Variants in FSCN2 observed in about 807,000 individuals in gnomAD.
FSCN2 encodes the protein fascin actin-bundling protein 2, retinal.
In FSCN2, 46 loss-of-function variants were observed where a neutral mutation model predicts 37.8. The observed-to-expected ratio is 1.22, with a 90% CI of 0.96 to 1.56. The LOEUF (loss-of-function observed/expected upper bound fraction) is 1.56. Ranked by LOEUF, FSCN2 falls within the 40% of genes most tolerant of loss-of-function variation. The pLI, the probability that FSCN2 is intolerant of heterozygous loss-of-function variation, is 0.00. For missense variants in FSCN2, 844 were observed against 730.4 expected (o/e 1.16, Z -1.79); for synonymous variants, 351 against 309.4 (o/e 1.13, Z -1.41).
the FSCN2 span, among the ~76,000 whole-genome samples, chr17:81,515,515 T>C: frequency 6.6e-5 from 10 of 152,354 alleles, no homozygotes; most frequent in East Asian, 7.7e-4. Context: ...ATCATGACCT[T>C]GTTATGTCTT....
At chr17:81,516,560 T>C in the FSCN2 span, among the ~76,000 whole-genome samples, 76 of 152,044 alleles carry the variant, frequency 5.0e-4, 1 homozygote, top group Non-Finnish European at 9.6e-4. Flanking sequence ...GGGCTCTGCC[T>C]CTTCAGGAAC....
At chr17:81,531,974 A>G (rs868029096) in intron 1 of FSCN2, among the ~76,000 whole-genome samples, 1,785 of 38,246 alleles carry the variant, frequency 0.047, 42 homozygotes, top group African/African-American at 0.13. Flanking sequence ...TAGTGATGAT[A>G]ATGGTGATGA....
chr17:81,534,942 G>T, intron 1 of FSCN2, 110 bp from the exon 2 acceptor site: 1 of 725,556 alleles, frequency 1.4e-6, no homozygotes, highest in Non-Finnish European at 2.2e-6. Context: ...AGTCAAGAGG[G>T]TTCTAGATGA....
chr17:81,536,574 C>T (rs2032884786), intron 3 of FSCN2, 48 bp from the exon 4 acceptor site: 1 of 1,601,948 alleles, frequency 6.2e-7, no homozygotes, highest in East Asian at 2.2e-5. Flanking sequence ...CCGGCCTGGA[C>T]AGGGAAGGTG....
chr17:81,518,522 A>G, the FSCN2 span, among the ~76,000 whole-genome samples: 32 of 152,252 alleles, frequency 2.1e-4, no homozygotes, highest in African/African-American at 7.5e-4. Flanking sequence ...GCTGCCTCCT[A>G]TCTCAAAAAC....
rs537092170 is a variant in FSCN2, at chr17:81,534,513, C to G, written c.827-539C>G. Among the ~76,000 whole-genome samples, 236 of 152,120 alleles carry G rather than the reference C, an allele frequency of 1.6e-3. 1 individual carries two copies. The highest frequency in any genetic ancestry group is 5.7e-3 in the African/African-American group (236 of 41,516). On this transcript the variant is annotated intron_variant, in intron 1 of 4. Transcript: ENST00000417245. ...CCCCTCCATCCCCTCGCAGGAACCC[C>G]AGATGGAGCCCGGGGCAGTCTTGTC...
At chr17:81,533,556 T>C (rs552183666) in intron 1 of FSCN2, among the ~76,000 whole-genome samples, 1 of 152,238 alleles carries the variant, frequency 6.6e-6, no homozygotes, top group South Asian at 2.1e-4. Flanking sequence ...CAGGACAAAG[T>C]CCAGAGGAAA....
rs782488038 is a variant in FSCN2, at chr17:81,529,178, C to T, written c.647C>T (p.Ala216Val). The change falls in exon 1 of 5, where the codon GCG (alanine) becomes GTG (valine). Residue 216 changes from alanine (A) to valine (V), a missense_variant. Physicochemically the swap from Ala to Val is moderately conservative, Grantham distance 64. Transcript: ENST00000417245. ...GCCTGCTACACGCTGGAGTTCAAGG[C>T]GGGCAAGCTGGCCTTCAAGGACTGC... ...PRACYTLEFK[A>V]GKLAFKDCDG... 5.5e-5 allele frequency: 87 copies of T among 1,592,572 alleles called. No homozygotes were observed. Among genetic ancestry groups the T allele is most frequent in the Middle Eastern group, 1.6e-4 (1 of 6,064 alleles).
In FSCN2 at chr17:81,528,983, A is replaced by C. The variant is rs2032450263; in HGVS notation, c.452A>C (p.Tyr151Ser). 6.3e-7 allele frequency: 1 copy of C among 1,585,708 alleles called. No individual in the cohort carries two copies. The highest frequency in any genetic ancestry group is 8.5e-7 in the Non-Finnish European group (1 of 1,170,840). ...AHLLSVSRRR[Y>S]VHLCPREDEM... is the part of the protein sequence containing the mutation. ...CTGCTGAGCGTGAGCCGGCGGCGCT[A>C]CGTGCACCTGTGCCCGCGGGAGGAC... The change falls in exon 1 of 5, where the codon TAC becomes TCC. Residue 151 changes from tyrosine (Y) to serine (S), a missense_variant. Physicochemically the swap from Tyr to Ser is moderately radical, Grantham distance 144. Transcript: ENST00000417245.
At chr17:81,531,085 G>A (rs887270484) in intron 1 of FSCN2, among the ~76,000 whole-genome samples, 1 of 152,158 alleles carries the variant, frequency 6.6e-6, no homozygotes, top group Non-Finnish European at 1.5e-5. Flanking sequence ...GTGGTGTGAT[G>A]TGCATGGTGG....
the FSCN2 span, among the ~76,000 whole-genome samples, chr17:81,523,081 C>A: frequency 5.9e-5 from 9 of 152,222 alleles, no homozygotes; most frequent in Admixed American, 6.5e-5. Flanking sequence ...CACAGCCCCC[C>A]ACCAGCACCT....
chr17:81,537,099 CTGTCGCGCA>C lies in FSCN2; in HGVS notation c.*21_*29del. On this transcript the variant is annotated 3_prime_UTR_variant, in exon 5 of 5. Coordinates refer to ENST00000417245, the MANE Select transcript of FSCN2 (RefSeq NM_012418.4). ...GTACTGAGGCCGCGCCCAGACCAGC[CTGTCGCGCA>C]TTAAAACCGTGTCTCTCCCGCAGCT... The C allele has an allele frequency of 7.1e-7, 1 of 1,402,274 alleles. No individual in the cohort carries two copies. Among genetic ancestry groups the C allele is most frequent in the Non-Finnish European group, 9.2e-7 (1 of 1,084,072 alleles). 86.9% of individuals were successfully genotyped at this position (1,402,274 alleles called of 1,614,324 possible).
rs1385113008 is a variant in FSCN2 at position 81,531,145 on chromosome 17, CAAT to C, written c.826+1789_826+1791del. Among the ~76,000 whole-genome samples the C allele has an allele frequency of 4.6e-5, 5 of 109,640 alleles. No individual in the cohort carries two copies. The South Asian group carries it at 1.2e-3, about 26-fold the overall frequency. 71.9% of individuals were successfully genotyped at this position (109,640 alleles called of 152,430 possible). On this transcript the variant is annotated intron_variant, in intron 1 of 4. Coordinates refer to ENST00000417245, the MANE Select transcript of FSCN2 (RefSeq NM_012418.4). ...GGTGACAGTGTGGTGGCAGCAGCGACAATGATGGTGATGGTGATGATGGTGGTG... is the reference window on the plus strand; with the variant it reads ...GGTGACAGTGTGGTGGCAGCAGCGACGATGGTGATGGTGATGATGGTGGTG...
chr17:81,529,982 TG>T (rs2032495551), intron 1 of FSCN2: 1 of 304,028 alleles, frequency 3.3e-6, no homozygotes, highest in Admixed American at 4.9e-5. Flanking sequence ...GCTAATTTTT[TG>T]TATTTTTTAG....
intron 1 of FSCN2, among the ~76,000 whole-genome samples, chr17:81,532,698 ATAGTGATAGTGATGGTGG>A (rs1403694559): frequency 3.0e-4 from 42 of 138,762 alleles, no homozygotes; most frequent in African/African-American, 1.1e-3. Context: ...GGTGATGGCG[ATAGTGATAGTGATGGTGG>A]TGGTGATAGT....
At position 81,528,446 on chromosome 17, in the gene FSCN2, C is replaced by T. The variant is rs2032420343; in HGVS notation, c.-86C>T. The stretch of plus-strand genomic sequence containing the variant: ...TCTGGGGGCTGTGGGCCAGCCGAGC[C>T]GACCCGGGCTTCTGGGGGACCGCGG... On this transcript the variant is annotated 5_prime_UTR_variant, in exon 1 of 5. Coordinates refer to ENST00000417245, the MANE Select transcript of FSCN2 (RefSeq NM_012418.4). 3.8e-6 allele frequency: 4 copies of T among 1,047,174 alleles called. No homozygotes were observed. The highest frequency in any genetic ancestry group is 2.2e-5 in the Admixed American group (1 of 44,606). The allele number at this position is 1,047,174 out of a possible 1,614,324, so 64.9% of individuals were successfully genotyped here.
chr17:81,535,021 C>T (rs910820925), intron 1 of FSCN2, 31 bp from the exon 2 acceptor site: 93 of 1,502,136 alleles, frequency 6.2e-5, no homozygotes, highest in African/African-American at 1.1e-4. Context: ...CCAGGAGAGG[C>T]GTGAGGGGCT....
At chr17:81,530,220 C>T (rs2032505098) in intron 1 of FSCN2, 8 of 278,560 alleles carry the variant, frequency 2.9e-5, no homozygotes, top group Middle Eastern at 4.2e-4. Context: ...GCCTCGTGTC[C>T]TCAGGAGTGG....
chr17:81,532,278 ATGGTGATGG>A (rs2032691107), intron 1 of FSCN2, among the ~76,000 whole-genome samples: 1 of 126,848 alleles, frequency 7.9e-6, no homozygotes, highest in Non-Finnish European at 1.6e-5. Flanking sequence ...GATGGTGGTG[ATGGTGATGG>A]TGGTGATGAT....
Sources: allele counts gnomAD v4.1 joint callset (sites outside exome capture counted in the v4.1 genomes callset), GRCh38; gene constraint gnomAD v4.1.1; transcripts MANE v1.5; gene names NCBI Gene and HGNC (gene_info 2026-07-23, HGNC 2026-07-21).